The following CDH18 variants were observed in gnomAD, a reference collection of about 807,000 sequenced individuals.
The protein encoded by CDH18 is cadherin 18, also known as cadherin-18.
CDH18 carries 31 observed loss-of-function variants against 67.9 expected under a neutral mutation model. The observed-to-expected ratio is 0.46, with a 90% CI of 0.34 to 0.62. The LOEUF (loss-of-function observed/expected upper bound fraction) is 0.62. CDH18 is among the 20% of genes least tolerant of loss of function. The pLI, the probability that CDH18 is intolerant of heterozygous loss-of-function variation, is 0.01. For missense variants in CDH18, 890 were observed against 975.5 expected (o/e 0.91, Z 1.17); for synonymous variants, 362 against 347.2 (o/e 1.04, Z -0.48).
intron 2 of CDH18, among the ~76,000 whole-genome samples, chr5:19,913,729 C>T (rs1791419542): frequency 6.6e-6 from 1 of 151,958 alleles, no homozygotes; most frequent in Admixed American, 6.6e-5. Flanking sequence ...ACCTCCACAG[C>T]CCAGAAGTCT....
At chr5:19,707,838 G>C (rs1184854379) in intron 5 of CDH18, among the ~76,000 whole-genome samples, 4 of 152,226 alleles carry the variant, frequency 2.6e-5, no homozygotes, top group Admixed American at 2.6e-4. Context: ...AGAACAGGCA[G>C]AGGTGCTGCA....
At chr5:19,859,131 G>A (rs925197175) in intron 2 of CDH18, among the ~76,000 whole-genome samples, 3 of 152,046 alleles carry the variant, frequency 2.0e-5, no homozygotes, top group Non-Finnish European at 4.4e-5. Flanking sequence ...ACAACTGACC[G>A]ATGGATGCTC....
intron 11 of CDH18, among the ~76,000 whole-genome samples, chr5:19,497,010 C>T (rs1054090345): frequency 6.6e-6 from 1 of 152,006 alleles, no homozygotes; most frequent in African/African-American, 2.4e-5. Flanking sequence ...TACAAATTCT[C>T]AGTCTCAGGT....
intron 1 of CDH18, among the ~76,000 whole-genome samples, chr5:20,497,865 G>T (rs1158492137): frequency 6.6e-6 from 1 of 152,088 alleles, no homozygotes; most frequent in Non-Finnish European, 1.5e-5. Flanking sequence ...CTAATCACCA[G>T]TCTGATGCTA....
At chr5:20,320,853 T>C (rs1430172977) in intron 1 of CDH18, among the ~76,000 whole-genome samples, 1 of 152,124 alleles carries the variant, frequency 6.6e-6, no homozygotes, top group Non-Finnish European at 1.5e-5. Flanking sequence ...CCAACTGCAC[T>C]GCAGGCAACT....
intron 8 of CDH18, among the ~76,000 whole-genome samples, chr5:19,548,817 C>T (rs1736813041): frequency 6.8e-6 from 1 of 146,780 alleles, no homozygotes; most frequent in African/African-American, 2.5e-5. Flanking sequence ...ATGGCACAAT[C>T]TCAGCTGACT....
intron 1 of CDH18, among the ~76,000 whole-genome samples, chr5:20,306,819 T>G (rs2149980393): frequency 6.6e-6 from 1 of 152,156 alleles, no homozygotes; most frequent in East Asian, 1.9e-4. Flanking sequence ...TCCATATTTA[T>G]TATGGAATAA....
chr5:20,379,782 A>G (rs1216068427), intron 1 of CDH18, among the ~76,000 whole-genome samples: 3 of 149,332 alleles, frequency 2.0e-5, no homozygotes, highest in East Asian at 2.0e-4. Flanking sequence ...GCATTTATTA[A>G]AGACAAATAT....
chr5:19,988,390 A>G (rs887259801), upstream of CDH18, among the ~76,000 whole-genome samples: 127 of 144,294 alleles, frequency 8.8e-4, 1 homozygote, highest in African/African-American at 3.2e-3. Flanking sequence ...CCAACCCCCC[A>G]CCGTGCATAC....
intron 3 of CDH18, among the ~76,000 whole-genome samples, chr5:19,754,451 A>G (rs1771262845): frequency 1.3e-5 from 2 of 152,212 alleles, no homozygotes; most frequent in South Asian, 4.1e-4. Flanking sequence ...GCCTTGTCCA[A>G]CAGGAAAATA....
chr5:20,357,317 T>C (rs1369511281), intron 1 of CDH18, among the ~76,000 whole-genome samples: 2 of 152,132 alleles, frequency 1.3e-5, no homozygotes, highest in Non-Finnish European at 2.9e-5. Flanking sequence ...ATGCTAAAAT[T>C]GCAATTGTCA....
chr5:20,182,056 T>G (rs1263529090), intron 2 of CDH18, among the ~76,000 whole-genome samples: 1 of 152,172 alleles, frequency 6.6e-6, no homozygotes, highest in African/African-American at 2.4e-5. Context: ...TCTTTACAAA[T>G]CTGTCTTTGA....
intron 2 of CDH18, among the ~76,000 whole-genome samples, chr5:19,858,736 T>A (rs1252309313): frequency 6.6e-6 from 1 of 152,200 alleles, no homozygotes; most frequent in African/African-American, 2.4e-5. Context: ...CTCATTTATT[T>A]GATCTAAAAT....
At chr5:19,748,581 T>C (rs1460769860) in intron 3 of CDH18, among the ~76,000 whole-genome samples, 1 of 152,156 alleles carries the variant, frequency 6.6e-6, no homozygotes, top group East Asian at 1.9e-4. Context: ...TTAAACCTTT[T>C]TGGGCACATA....
At chr5:19,986,601 G>A (rs1799588185) in intron 1 of CDH18, among the ~76,000 whole-genome samples, 1 of 152,186 alleles carries the variant, frequency 6.6e-6, no homozygotes, top group Non-Finnish European at 1.5e-5. Flanking sequence ...TCTAGGGGAA[G>A]TGCATCAGTT....
chr5:20,299,799 G>A (rs1473359622), intron 1 of CDH18, among the ~76,000 whole-genome samples: 1 of 148,070 alleles, frequency 6.8e-6, no homozygotes, highest in Non-Finnish European at 1.5e-5. Flanking sequence ...TGGAATACTT[G>A]TGCTTATGGC....
At chr5:20,285,714 A>G (rs952716372) in intron 1 of CDH18, among the ~76,000 whole-genome samples, 1 of 151,482 alleles carries the variant, frequency 6.6e-6, no homozygotes, top group Non-Finnish European at 1.5e-5. Context: ...AAGAAAATGA[A>G]ATAATTGATA....
chr5:20,296,597 C>T (rs932624699), intron 1 of CDH18, among the ~76,000 whole-genome samples: 5 of 151,878 alleles, frequency 3.3e-5, no homozygotes, highest in Admixed American at 3.3e-4. Context: ...TACTAAAACA[C>T]CTCAAAAAAG....
intron 2 of CDH18, among the ~76,000 whole-genome samples, chr5:20,069,820 C>T (rs1434747634): frequency 2.0e-5 from 3 of 152,140 alleles, no homozygotes; most frequent in Non-Finnish European, 2.9e-5. Flanking sequence ...TACATATACA[C>T]AGCCTCTCCC....
Sources: gnomAD v4.1 joint callset for allele counts (sites outside exome capture counted in the v4.1 genomes callset) on GRCh38, gnomAD v4.1.1 for gene constraint, MANE v1.5 for transcripts, NCBI Gene and HGNC (gene_info 2026-07-23, HGNC 2026-07-21) for gene names.